The following SAP130 variants were observed in gnomAD, a reference collection of about 807,000 sequenced individuals.
SAP130 encodes Sin3A associated protein 130, also known as histone deacetylase complex subunit SAP130.
Under a neutral mutation model 103.2 loss-of-function variants are expected in SAP130, and 16 were observed. That is an observed-to-expected ratio of 0.16 (90% CI 0.10 to 0.24). SAP130 has a LOEUF of 0.24. Among genes scored for constraint, SAP130 ranks in the 10% least tolerant of loss-of-function variants. The pLI is 1.00. For missense variants in SAP130, 990 were observed against 1,359.7 expected, an observed-to-expected ratio of 0.73 and a Z score of 4.28; for synonymous variants, 477 against 497.0, an observed-to-expected ratio of 0.96 and a Z score of 0.53.
chr2:128,026,953 C>A (rs1324925882), intron 1 of SAP130: 29 of 767,678 alleles, frequency 3.8e-5, no homozygotes, highest in Non-Finnish European at 5.1e-5. Context: ...CGCAACCCCA[C>A]CCCACCGCGA....
intron 15 of SAP130, among the ~76,000 whole-genome samples, chr2:127,965,195 G>A (rs1240638618): frequency 6.6e-6 from 1 of 151,584 alleles, no homozygotes; most frequent in Non-Finnish European, 1.5e-5. Flanking sequence ...TACTTGGGAG[G>A]CTGAGGCAGG....
intron 6 of SAP130, among the ~76,000 whole-genome samples, chr2:128,011,151 C>T (rs1312635072): frequency 6.6e-6 from 1 of 152,158 alleles, no homozygotes; most frequent in African/African-American, 2.4e-5. Context: ...AGAGGGCCTA[C>T]TCAGCTGCTG....
intron 7 of SAP130, among the ~76,000 whole-genome samples, chr2:128,008,647 G>A (rs538521352): frequency 3.3e-5 from 5 of 150,598 alleles, no homozygotes; most frequent in East Asian, 2.0e-4. Context: ...CTGGGGTTAC[G>A]GGCACGAGCC....
rs191335044 is a variant in SAP130 at position 127,994,197 on chromosome 2, C to T, written c.1356-889G>A. 1.3e-3 allele frequency among the ~76,000 whole-genome samples: 201 copies of T among 152,136 alleles called. 2 individuals are homozygous for T. Among genetic ancestry groups the T allele is most frequent in the African/African-American group, 4.3e-3 (177 of 41,506 alleles). On this transcript the variant is annotated intron_variant, in intron 11 of 20. Coordinates refer to ENST00000643581, the MANE Select transcript of SAP130 (RefSeq NM_001330301.2). ...TTAAAACCTAAAAGATAAAAATATTCGACAGCAGTCAATAGTTATTCATGA... is the reference window on the plus strand; with the variant it reads ...TTAAAACCTAAAAGATAAAAATATTTGACAGCAGTCAATAGTTATTCATGA...
rs755041109 is a variant in SAP130, at chr2:128,000,352, G to A, written c.972C>T (p.His324=). The A allele has an allele frequency of 1.2e-6, 2 of 1,614,216 alleles. No homozygotes were observed. Among genetic ancestry groups the A allele is most frequent in the Admixed American group, 3.3e-5 (2 of 60,018 alleles). Residue 324 remains histidine (H), a synonymous_variant, in exon 8 of 21, where the codon CAC becomes CAT. Coordinates refer to ENST00000643581, the MANE Select transcript of SAP130 (RefSeq NM_001330301.2). ...GCTGTTTTGGCGTCCCTAATGCAGGGTGAGATGGTAGTGTGATTCTTGTTG... is the reference window on the plus strand; with the variant it reads ...GCTGTTTTGGCGTCCCTAATGCAGGATGAGATGGTAGTGTGATTCTTGTTG... ...DVTTRITLPS[H]PALGTPKQQL...
Position 127,986,722 on chromosome 2 carries a change from T to C in SAP130, c.1958+63A>G. ...GATACCAGCATTAGATAAGAGTGCC[T>C]ATTATGTATACCAGTTATATCCAGA... On this transcript the variant is annotated intron_variant, in intron 14 of 20. Coordinates refer to ENST00000643581, the MANE Select transcript of SAP130 (RefSeq NM_001330301.2). This position sits in a 1 kb window ranked among gnomAD's most constrained non-coding sequence, Gnocchi z 4.7. The C allele has an allele frequency of 6.6e-7, 1 of 1,506,268 alleles. No homozygotes were observed. Among genetic ancestry groups the C allele is most frequent in the Non-Finnish European group, 9.1e-7 (1 of 1,096,694 alleles). The allele number at this position is 1,506,268 out of a possible 1,614,324, so 93.3% of individuals were successfully genotyped here.
chr2:128,010,075 G>A (rs1684275779), intron 7 of SAP130, among the ~76,000 whole-genome samples, 194 bp downstream of exon 7: 1 of 150,692 alleles, frequency 6.6e-6, no homozygotes, highest in Non-Finnish European at 1.5e-5. Context: ...TCTCCAGCCT[G>A]TAAAAACAGA....
chr2:127,990,513 A>C lies in SAP130; in HGVS notation c.1478-647T>G, dbSNP rs184784679. Among the ~76,000 whole-genome samples, 13 of 152,340 alleles carry C rather than the reference A, an allele frequency of 8.5e-5. No homozygotes were observed. The East Asian group carries it at 2.5e-3, about 29-fold the overall frequency. Reference sequence around the variant, plus strand: ...TGGAACTTGTTTTCAAAGCTATTTAAATATCTTACACTTATAAGCTACCTT... The same window carrying C: ...TGGAACTTGTTTTCAAAGCTATTTACATATCTTACACTTATAAGCTACCTT... On this transcript the variant is annotated intron_variant, in intron 12 of 20. Coordinates refer to ENST00000643581, the MANE Select transcript of SAP130 (RefSeq NM_001330301.2).
intron 1 of SAP130, among the ~76,000 whole-genome samples, chr2:128,026,704 G>T (rs1329453674): frequency 6.6e-6 from 1 of 152,244 alleles, no homozygotes; most frequent in East Asian, 1.9e-4. Context: ...TGATTAGTAT[G>T]TCATAGGAAC....
Position 128,010,459 on chromosome 2 carries a change from G to C in SAP130, c.745-66C>G, listed in dbSNP as rs978612733. On this transcript the variant is annotated intron_variant, in intron 6 of 20. Coordinates refer to ENST00000643581, the MANE Select transcript of SAP130 (RefSeq NM_001330301.2). ...AAATAGAGGAAGTCAAATACTAAAT[G>C]TGTAATTTGAAACTTGAGCCTACAG... 4.8e-6 allele frequency: 7 copies of C among 1,459,812 alleles called. No homozygotes were observed. The African/African-American group carries it at 1.0e-4, about 21-fold the overall frequency. 90.4% of individuals were successfully genotyped at this position (1,459,812 alleles called of 1,614,324 possible). A position where few individuals can be genotyped will look rare whatever the true frequency, so the allele number is the denominator to read the frequency against.
intron 13 of SAP130, among the ~76,000 whole-genome samples, chr2:127,988,186 G>A (rs187352183): frequency 1.3e-5 from 2 of 152,304 alleles, no homozygotes; most frequent in South Asian, 2.1e-4. Flanking sequence ...ACTTTGGGAG[G>A]ACAAGGCTGA....
At chr2:127,999,645 T>G in intron 10 of SAP130, 96 bp downstream of exon 10, 2 of 554,754 alleles carry the variant, frequency 3.6e-6, no homozygotes, top group Non-Finnish European at 6.1e-6. Context: ...AAATCAACAA[T>G]GGTAAAAATC....
intron 14 of SAP130, among the ~76,000 whole-genome samples, chr2:127,981,331 C>T (rs1439986396): frequency 1.4e-5 from 2 of 146,874 alleles, no homozygotes; most frequent in East Asian, 2.0e-4. Flanking sequence ...TCAGCTCCCC[C>T]ACCCCAACCC....
intron 2 of SAP130, among the ~76,000 whole-genome samples, chr2:128,023,842 C>T (rs930053692): frequency 6.6e-6 from 1 of 151,946 alleles, no homozygotes; most frequent in African/African-American, 2.4e-5. Flanking sequence ...AATCAATTGG[C>T]TATATATATC....
intron 4 of SAP130, among the ~76,000 whole-genome samples, chr2:128,015,491 G>T (rs1412283070): frequency 2.0e-5 from 3 of 152,038 alleles, no homozygotes; most frequent in Admixed American, 2.0e-4. Context: ...ACCTCTTTGG[G>T]ATATAAATTT....
chr2:127,964,494 C>CAAAAAAAAAAAAA (rs55755397), intron 15 of SAP130, among the ~76,000 whole-genome samples: 2 of 69,910 alleles, frequency 2.9e-5, no homozygotes, highest in African/African-American at 5.8e-5. Context: ...AACTCCATCT[C>CAAAAAAAAAAAAA]AAAAAAAAAA....
chr2:128,022,932 C>T (rs529265813), intron 2 of SAP130, among the ~76,000 whole-genome samples: 26 of 151,984 alleles, frequency 1.7e-4, no homozygotes, highest in Non-Finnish European at 3.7e-4. Flanking sequence ...CAGGCTCAAG[C>T]GATCCTCCCA....
In SAP130 at chr2:127,942,990, A is replaced by AAAT. The variant is rs538617119; in HGVS notation, c.2902-454_2902-453insATT. 9.9e-5 allele frequency among the ~76,000 whole-genome samples: 15 copies of AAAT among 152,098 alleles called. No homozygotes were observed. The East Asian group carries it at 2.9e-3, about 29-fold the overall frequency. On this transcript the variant is annotated intron_variant, in intron 19 of 20. Transcript: ENST00000643581. This position sits in a 1 kb window ranked among gnomAD's most constrained non-coding sequence, Gnocchi z 4.8. ...GCAACAAGAGCGAAATTCCATCTAA[A>AAAT]AAATAAATAAATAAATAAATAAATA...
At position 128,026,258 on chromosome 2, in the gene SAP130, G is replaced by A; in HGVS notation, c.35C>T (p.Pro12Leu). 6.2e-7 allele frequency: 1 copy of A among 1,614,136 alleles called. No homozygotes were observed. Among genetic ancestry groups the A allele is most frequent in the Admixed American group, 1.7e-5 (1 of 60,020 alleles). ...AGGGGCCTGGCTCAGCCCGGTAGAA[G>A]GGGCTCCTAACCGAGGAAACTGTTG... ...SSQQFPRLGAPSTGLSQAPSQ... is the reference protein window; with the variant it reads ...SSQQFPRLGALSTGLSQAPSQ... Residue 12 changes from proline to leucine, a missense_variant, in exon 2 of 21, where the codon CCT (proline) becomes CTT (leucine). Pro to Leu is a moderately conservative substitution (Grantham distance 98, BLOSUM62 -3). Coordinates refer to ENST00000643581, the MANE Select transcript of SAP130 (RefSeq NM_001330301.2).
Sources: gnomAD v4.1 joint callset for allele counts (sites outside exome capture counted in the v4.1 genomes callset) on GRCh38, gnomAD v4.1.1 for gene constraint, Gnocchi (gnomAD v3.1) non-coding constraint, MANE v1.5 for transcripts, NCBI Gene and HGNC (gene_info 2026-07-23, HGNC 2026-07-21) for gene names.